Variants in PEDS1 observed in about 807,000 individuals in gnomAD.
The protein encoded by PEDS1 is CarF homolog.
PEDS1 carries 14 observed loss-of-function variants against 35.2 expected under a neutral mutation model. That is an observed-to-expected ratio of 0.40 (90% CI 0.26 to 0.62). PEDS1 has a LOEUF of 0.62. PEDS1 is among the 20% of genes least tolerant of loss of function. PEDS1 has a pLI of 0.44. For synonymous variants in PEDS1, 152 were observed against 152.0 expected, an observed-to-expected ratio of 1.00 and a Z score of 0.00; for missense variants, 260 against 367.8, an observed-to-expected ratio of 0.71 and a Z score of 2.40.
At position 50,153,669 on chromosome 20, in the gene PEDS1, G is replaced by A. The variant is rs1386536821; in HGVS notation, c.-32C>T. 4 of 1,214,876 alleles carry A rather than the reference G, an allele frequency of 3.3e-6. No homozygotes were observed. Among genetic ancestry groups the A allele is most frequent in the Non-Finnish European group, 4.1e-6 (4 of 977,218 alleles). The allele number at this position is 1,214,876 out of a possible 1,614,324, so 75.3% of individuals were successfully genotyped here. The stretch of plus-strand genomic sequence containing the variant: ...TCGCCCGATCGGCCCGGTGCGCTCT[G>A]CTGGCGGCGGCGGCGGCAGGGCCGC... On this transcript the variant is annotated 5_prime_UTR_variant, in exon 1 of 6. Transcript: ENST00000371652.
Position 50,129,900 on chromosome 20 carries a change from G to C in PEDS1, c.334-210C>G, listed in dbSNP as rs1401365668. On this transcript the variant is annotated intron_variant, in intron 3 of 5. Transcript: ENST00000371652. This position sits in a 1 kb window ranked among gnomAD's most constrained non-coding sequence, Gnocchi z 4.2. Reference sequence around the variant, plus strand: ...AGATGAGCCGAAATGACCCTGGAAGGGCTTTGGGTTGGCACTGTCTGCCTC... The same window carrying C: ...AGATGAGCCGAAATGACCCTGGAAGCGCTTTGGGTTGGCACTGTCTGCCTC... Among the ~76,000 whole-genome samples the C allele has an allele frequency of 6.6e-6, 1 of 152,146 alleles. No individual in the cohort carries two copies. Among genetic ancestry groups the C allele is most frequent in the African/African-American group, 2.4e-5 (1 of 41,412 alleles).
chr20:50,129,257 C>T lies in PEDS1; in HGVS notation c.478+289G>A, dbSNP rs2081146837. Among the ~76,000 whole-genome samples the T allele has an allele frequency of 6.6e-6, 1 of 152,088 alleles. No homozygotes were observed. Among genetic ancestry groups the T allele is most frequent in the Non-Finnish European group, 1.5e-5 (1 of 68,018 alleles). On this transcript the variant is annotated intron_variant, in intron 4 of 5. Coordinates refer to ENST00000371652, the MANE Select transcript of PEDS1 (RefSeq NM_199129.4). The surrounding 1 kb of genome is among the most constrained non-coding windows in gnomAD (Gnocchi z 4.2). ...GCAGGGAAGCAAGGAATAGTGGGGA[C>T]GGTGGTAAACTGGAAAGACGCGTCC...
chr20:50,120,890 A>C lies in PEDS1; in HGVS notation c.*4168T>G, dbSNP rs1371248105. 1.3e-5 allele frequency: 2 copies of C among 152,102 alleles called. No homozygotes were observed. The highest frequency in any genetic ancestry group is 2.9e-5 in the Non-Finnish European group (2 of 68,210). 9.4% of individuals were successfully genotyped at this position (152,102 alleles called of 1,614,324 possible). A position where few individuals can be genotyped will look rare whatever the true frequency, so the allele number is the denominator to read the frequency against. ...GAGTTTCAGTTGGGGGCAGGCGCCC[A>C]AAGGTATGTGCCCAGGCCCCTTCTA... On this transcript the variant is annotated 3_prime_UTR_variant, in exon 6 of 6. Transcript: ENST00000371652.
rs887144532 is a variant in PEDS1 at position 50,128,301 on chromosome 20, G to C, written c.479-114C>G. 2 of 1,330,678 alleles carry C rather than the reference G, an allele frequency of 1.5e-6. No individual in the cohort carries two copies. The highest frequency in any genetic ancestry group is 2.9e-5 in the African/African-American group (2 of 69,250). 82.4% of individuals were successfully genotyped at this position (1,330,678 alleles called of 1,614,324 possible). On this transcript the variant is annotated intron_variant, in intron 4 of 5. Coordinates refer to ENST00000371652, the MANE Select transcript of PEDS1 (RefSeq NM_199129.4). The surrounding 1 kb of genome is among the most constrained non-coding windows in gnomAD (Gnocchi z 5.2). ...GGCTCCTGAGCTGGGCAAGCACCCA[G>C]GATTCTCTTCCACCCCCTGCAGGGC... is the stretch of plus-strand genomic sequence containing the variant.
intron 2 of PEDS1, among the ~76,000 whole-genome samples, chr20:50,137,744 G>A (rs113086904): frequency 3.3e-5 from 5 of 152,314 alleles, no homozygotes; most frequent in African/African-American, 1.2e-4. Context: ...GCTGGCGCGC[G>A]CTTGTAGTCC....
intron 1 of PEDS1, among the ~76,000 whole-genome samples, chr20:50,148,972 G>A (rs994252813): frequency 2.0e-5 from 3 of 151,994 alleles, no homozygotes; most frequent in Non-Finnish European, 2.9e-5. Flanking sequence ...AAATTAGCTG[G>A]GCGTGGTGGC....
Position 50,128,284 on chromosome 20 carries a change from A to C in PEDS1, c.479-97T>G. ...ACCACCTGCTCCTGGGCGGCTCCTG[A>C]GCTGGGCAAGCACCCAGGATTCTCT... On this transcript the variant is annotated intron_variant, in intron 4 of 5. Coordinates refer to ENST00000371652, the MANE Select transcript of PEDS1 (RefSeq NM_199129.4). This position sits in a 1 kb window ranked among gnomAD's most constrained non-coding sequence, Gnocchi z 5.2. 1 of 1,436,688 alleles carries C rather than the reference A, an allele frequency of 7.0e-7. No homozygotes were observed. Among genetic ancestry groups the C allele is most frequent in the Non-Finnish European group, 9.5e-7 (1 of 1,057,450 alleles). 89.0% of individuals were successfully genotyped at this position (1,436,688 alleles called of 1,614,324 possible).
chr20:50,148,858 C>T (rs1180316118), intron 1 of PEDS1, among the ~76,000 whole-genome samples: 1 of 152,068 alleles, frequency 6.6e-6, no homozygotes, highest in Admixed American at 6.6e-5. Context: ...TGCCTGTAAT[C>T]CCAGCACTTT....
intron 2 of PEDS1, among the ~76,000 whole-genome samples, chr20:50,141,602 G>T (rs985766685): frequency 2.0e-5 from 3 of 152,260 alleles, no homozygotes; most frequent in African/African-American, 7.2e-5. Flanking sequence ...AGGTGGTAGA[G>T]CTGGGACTTA....
At chr20:50,141,638 G>A (rs1352715808) in intron 2 of PEDS1, among the ~76,000 whole-genome samples, 1 of 152,228 alleles carries the variant, frequency 6.6e-6, no homozygotes, top group African/African-American at 2.4e-5. Flanking sequence ...AGGCCTGCTC[G>A]TAACCATCCC....
At chr20:50,126,443 T>C (rs2081105030) in intron 5 of PEDS1, among the ~76,000 whole-genome samples, 2 of 152,194 alleles carry the variant, frequency 1.3e-5, no homozygotes, top group South Asian at 4.1e-4. Context: ...ATTGAGGACA[T>C]GAAAAAGAAT....
In PEDS1 at chr20:50,139,134, C is replaced by T. The variant is rs1021092615; in HGVS notation, c.241+4368G>A. Among the ~76,000 whole-genome samples, 3 of 152,274 alleles carry T rather than the reference C, an allele frequency of 2.0e-5. No homozygotes were observed. The East Asian group carries it at 5.8e-4, about 29-fold the overall frequency. ...ACTCCACTTCCAGCCACAGGACGGG[C>T]CACGACCCGAGCCTGGGACTTCTCT... On this transcript the variant is annotated intron_variant, in intron 2 of 5. Transcript: ENST00000371652.
rs2081431726 is a variant in PEDS1 at position 50,153,696 on chromosome 20, G to A, written c.-59C>T. Reference sequence around the variant, plus strand: ...TGGCGGCGGCGGCGGCAGGGCCGCGGAACCGCGGCGAGATCACGCCGCCCA... The same window carrying A: ...TGGCGGCGGCGGCGGCAGGGCCGCGAAACCGCGGCGAGATCACGCCGCCCA... On this transcript the variant is annotated 5_prime_UTR_variant, in exon 1 of 6. Transcript: ENST00000371652. 5.9e-6 allele frequency: 7 copies of A among 1,179,728 alleles called. No homozygotes were observed. The highest frequency in any genetic ancestry group is 6.3e-6 in the Non-Finnish European group (6 of 954,982). 73.1% of individuals were successfully genotyped at this position (1,179,728 alleles called of 1,614,324 possible).
Position 50,124,901 on chromosome 20 carries a change from T to G in PEDS1, c.*157A>C. The G allele has an allele frequency of 5.5e-6, 5 of 902,908 alleles. No homozygotes were observed. Among genetic ancestry groups the G allele is most frequent in the East Asian group, 5.2e-5 (2 of 38,516 alleles). The allele number at this position is 902,908 out of a possible 1,614,324, so 55.9% of individuals were successfully genotyped here. On this transcript the variant is annotated 3_prime_UTR_variant, in exon 6 of 6. Transcript: ENST00000371652. The stretch of plus-strand genomic sequence containing the variant: ...AGAAATGAAAAATCAGTGGCTCAAG[T>G]ATTCTGTGTCATGAGGGGTGGGCTG...
rs533936259 is a variant in PEDS1, at chr20:50,152,316, C to T, written c.121+1201G>A. Among the ~76,000 whole-genome samples, 12 of 152,256 alleles carry T rather than the reference C, an allele frequency of 7.9e-5. No individual in the cohort carries two copies. The East Asian group carries it at 2.3e-3, about 29-fold the overall frequency. On this transcript the variant is annotated intron_variant, in intron 1 of 5. Coordinates refer to ENST00000371652, the MANE Select transcript of PEDS1 (RefSeq NM_199129.4). ...GGCAGAAAGCTAAGGTGCTAGTGACCCCAGGCCCACTCCAGGCAAGGGCTG... is the reference window on the plus strand; with the variant it reads ...GGCAGAAAGCTAAGGTGCTAGTGACTCCAGGCCCACTCCAGGCAAGGGCTG...
At chr20:50,140,835 C>T (rs1344897120) in intron 2 of PEDS1, among the ~76,000 whole-genome samples, 1 of 152,198 alleles carries the variant, frequency 6.6e-6, no homozygotes, top group Non-Finnish European at 1.5e-5. Flanking sequence ...AGTGCCCTTA[C>T]TGCCTGCATG....
chr20:50,150,936 TC>T (rs1418230217), intron 1 of PEDS1, among the ~76,000 whole-genome samples: 9 of 152,128 alleles, frequency 5.9e-5, no homozygotes, highest in African/African-American at 1.9e-4. Flanking sequence ...CCTCAAGTGA[TC>T]CACCCACCTC....
rs1176814865 is a variant in PEDS1 at position 50,122,778 on chromosome 20, A to C, written c.*2280T>G. On this transcript the variant is annotated 3_prime_UTR_variant, in exon 6 of 6. Coordinates refer to ENST00000371652, the MANE Select transcript of PEDS1 (RefSeq NM_199129.4). ...CATAGGAGATGCCTTATAATTACTT[A>C]TTCAACAAATAAACAAGTTACTAAT... 1 of 152,246 alleles carries C rather than the reference A, an allele frequency of 6.6e-6. No homozygotes were observed. Among genetic ancestry groups the C allele is most frequent in the Admixed American group, 6.5e-5 (1 of 15,284 alleles). The allele number at this position is 152,246 out of a possible 1,614,324, so 9.4% of individuals were successfully genotyped here. A position where few individuals can be genotyped will look rare whatever the true frequency, so the allele number is the denominator to read the frequency against.
chr20:50,149,126 CA>C (rs2081375910), intron 1 of PEDS1, among the ~76,000 whole-genome samples: 1 of 151,826 alleles, frequency 6.6e-6, no homozygotes, highest in Non-Finnish European at 1.5e-5. Flanking sequence ...AACAAACAAA[CA>C]AAAAAACCGA....
Sources: gnomAD v4.1 joint callset for allele counts (sites outside exome capture counted in the v4.1 genomes callset) on GRCh38, gnomAD v4.1.1 for gene constraint, Gnocchi (gnomAD v3.1) non-coding constraint, MANE v1.5 for transcripts, NCBI Gene and HGNC (gene_info 2026-07-23, HGNC 2026-07-21) for gene names.